VIT: variants seen among roughly 807,000 people sequenced by gnomAD.
VIT encodes the protein vitrin.
In VIT, 99 loss-of-function variants were observed where a neutral mutation model predicts 78.0. The ratio of observed to expected loss-of-function variants is 1.27; its 90% confidence interval spans 1.08 to 1.50. The LOEUF (loss-of-function observed/expected upper bound fraction) is 1.50. Among genes scored for constraint, VIT ranks in the 40% most tolerant of loss-of-function variants. The pLI is 0.00. For synonymous variants in VIT, 374 were observed against 334.3 expected, an observed-to-expected ratio of 1.12 and a Z score of -1.29; for missense variants, 1,126 against 875.3, an observed-to-expected ratio of 1.29 and a Z score of -3.61.
chr2:36,717,324 C>T (rs1052378546), intron 2 of VIT, among the ~76,000 whole-genome samples: 4 of 149,548 alleles, frequency 2.7e-5, no homozygotes, highest in South Asian at 2.2e-4. Flanking sequence ...CCCACCACCA[C>T]GCCTGGCTAA....
chr2:36,712,792 A>G (rs548796397), intron 1 of VIT, among the ~76,000 whole-genome samples: 2 of 152,326 alleles, frequency 1.3e-5, no homozygotes, highest in South Asian at 4.1e-4. Flanking sequence ...CTGAGATTGC[A>G]GCATTGCACT....
chr2:36,787,007 A>T, intron 11 of VIT, 122 bp from the exon 12 acceptor site: 1 of 1,266,760 alleles, frequency 7.9e-7, no homozygotes, highest in Non-Finnish European at 1.1e-6. Context: ...GCATCTTCCT[A>T]CCTCTTTTTC....
intron 12 of VIT, among the ~76,000 whole-genome samples, chr2:36,800,030 C>G (rs1416951629): frequency 2.2e-5 from 3 of 136,394 alleles, no homozygotes; most frequent in Admixed American, 7.7e-5. Flanking sequence ...CCTGGAGACA[C>G]AGCGAGACTC....
intron 3 of VIT, among the ~76,000 whole-genome samples, chr2:36,732,821 T>C (rs1046692464): frequency 2.0e-5 from 3 of 152,142 alleles, no homozygotes; most frequent in Admixed American, 6.5e-5. Context: ...AAGCTGTGTA[T>C]CTGGGAGGGC....
At chr2:36,781,511 A>C (rs2148620648) in intron 9 of VIT, among the ~76,000 whole-genome samples, 1 of 152,294 alleles carries the variant, frequency 6.6e-6, no homozygotes, top group African/African-American at 2.4e-5. Flanking sequence ...ATGAAAAAGA[A>C]ATTGGTAAAG....
intron 1 of VIT, among the ~76,000 whole-genome samples, chr2:36,697,273 G>A: frequency 6.6e-6 from 1 of 152,276 alleles, no homozygotes; most frequent in East Asian, 1.9e-4. Context: ...TGACATTTGT[G>A]TAGAATTTTA....
chr2:36,773,749 T>C, intron 7 of VIT, 42 bp from the exon 8 acceptor site: 1 of 1,435,114 alleles, frequency 7.0e-7, no homozygotes, highest in Admixed American at 2.4e-5. Flanking sequence ...AATTAATTAA[T>C]TAAATAAAAT....
chr2:36,708,957 G>A (rs1000131942), intron 1 of VIT, among the ~76,000 whole-genome samples: 107 of 152,140 alleles, frequency 7.0e-4, no homozygotes, highest in Non-Finnish European at 2.9e-4. Flanking sequence ...CGAGACGAGC[G>A]TGACCAACAT....
rs1558545934 is a variant in VIT, at chr2:36,758,980, A to C, written c.421A>C (p.Lys141Gln). ...TCTCTTTTTTGCAGAAAGTAAACCC[A>C]AAAAGGGTGTAACCTACCCATCAGC... ...ESFIVLESKP[K>Q]KGVTYPSALT... The change falls in exon 6 of 16, where the codon AAA becomes CAA. Residue 141 changes from lysine (K) to glutamine (Q), a missense_variant. Coordinates refer to ENST00000379242, the MANE Select transcript of VIT (RefSeq NM_053276.4). The C allele has an allele frequency of 6.2e-7, 1 of 1,613,408 alleles. No homozygotes were observed. The highest frequency in any genetic ancestry group is 8.5e-7 in the Non-Finnish European group (1 of 1,179,770).
At chr2:36,712,705 A>G (rs1665881227) in intron 1 of VIT, among the ~76,000 whole-genome samples, 2 of 152,070 alleles carry the variant, frequency 1.3e-5, no homozygotes, top group Admixed American at 1.3e-4. Context: ...GTATGGTGGC[A>G]GGCGCCTGTA....
intron 15 of VIT, among the ~76,000 whole-genome samples, chr2:36,809,740 A>G (rs1475111934): frequency 6.6e-6 from 1 of 152,208 alleles, no homozygotes; most frequent in Non-Finnish European, 1.5e-5. Flanking sequence ...TTAAGGAAAA[A>G]TAATGTTTTT....
intron 9 of VIT, 76 bp from the exon 10 acceptor site, chr2:36,781,651 C>G: frequency 2.6e-6 from 4 of 1,534,794 alleles, no homozygotes; most frequent in Non-Finnish European, 3.6e-6. Context: ...ACCTTATCAT[C>G]CCGGCAATTC....
intron 1 of VIT, among the ~76,000 whole-genome samples, chr2:36,697,677 C>T (rs756163625): frequency 1.8e-4 from 27 of 152,276 alleles, no homozygotes; most frequent in South Asian, 8.3e-4. Context: ...ATGAAATAAA[C>T]GCCTCAAGCA....
At chr2:36,800,299 C>A (rs948980381) in intron 12 of VIT, among the ~76,000 whole-genome samples, 1 of 151,942 alleles carries the variant, frequency 6.6e-6, no homozygotes, top group Non-Finnish European at 1.5e-5. Context: ...GAGCTGAGAT[C>A]GCGCCACTGC....
intron 15 of VIT, among the ~76,000 whole-genome samples, chr2:36,810,873 A>G (rs1365859764): frequency 1.3e-5 from 2 of 152,162 alleles, no homozygotes; most frequent in East Asian, 1.9e-4. Flanking sequence ...ACCTATAGCC[A>G]TCCACCTACC....
chr2:36,751,935 C>T (rs1318466431), intron 4 of VIT, among the ~76,000 whole-genome samples: 2 of 152,106 alleles, frequency 1.3e-5, no homozygotes, highest in Admixed American at 1.3e-4. Context: ...AATCTGTTTT[C>T]AGAAGGCAGG....
chr2:36,708,851 G>A (rs905849953), intron 1 of VIT, among the ~76,000 whole-genome samples: 1 of 152,128 alleles, frequency 6.6e-6, no homozygotes, highest in African/African-American at 2.4e-5. Context: ...CACCTGGAAA[G>A]CTTTAAAACA....
At chr2:36,711,865 T>C (rs6745211) in intron 1 of VIT, among the ~76,000 whole-genome samples, 3,936 of 152,336 alleles carry the variant, frequency 0.026, 180 homozygotes, top group African/African-American at 0.091. Flanking sequence ...GTATACTCTT[T>C]TTTCACAACC....
intron 9 of VIT, among the ~76,000 whole-genome samples, chr2:36,778,244 A>G (rs955488746): frequency 1.3e-5 from 2 of 152,206 alleles, no homozygotes; most frequent in African/African-American, 4.8e-5. Context: ...CACAGGCCCC[A>G]CACTCTCCTA....
Sources: gnomAD v4.1 joint callset for allele counts (sites outside exome capture counted in the v4.1 genomes callset) on GRCh38, gnomAD v4.1.1 for gene constraint, MANE v1.5 for transcripts, NCBI Gene and HGNC (gene_info 2026-07-23, HGNC 2026-07-21) for gene names.